Variants in KCNH7 observed in about 807,000 individuals in gnomAD.
KCNH7 encodes potassium voltage-gated channel subfamily H member 7, also known as voltage-gated inwardly rectifying potassium channel KCNH7.
Under a neutral mutation model 120.8 loss-of-function variants are expected in KCNH7, and 49 were observed. The observed-to-expected ratio is 0.41, with a 90% CI of 0.32 to 0.51. KCNH7 has a LOEUF of 0.51. Among genes scored for constraint, KCNH7 ranks in the 20% least tolerant of loss-of-function variants. KCNH7 has a pLI of 0.38. For synonymous variants in KCNH7, 547 were observed against 516.1 expected (o/e 1.06, Z -0.81); for missense variants, 1,097 against 1,446.6 (o/e 0.76, Z 3.92).
intron 6 of KCNH7, among the ~76,000 whole-genome samples, chr2:162,484,967 A>T (rs976939976): frequency 1.3e-5 from 2 of 152,190 alleles, no homozygotes; most frequent in Non-Finnish European, 2.9e-5. Context: ...AAATTTTTTT[A>T]AAATAATTTA....
rs188064198 is a variant in KCNH7, at chr2:162,803,815, C to T, written c.307+32722G>A. On this transcript the variant is annotated intron_variant, in intron 2 of 15. Transcript: ENST00000332142. ...AACTTCACTTCAGATGATCAGTGCC[C>T]CCTTTTCTTGTGTTTGCATTTTTTA... Among the ~76,000 whole-genome samples the T allele has an allele frequency of 1.2e-3, 186 of 151,660 alleles. 1 individual carries two copies. In the South Asian group the frequency reaches 0.037, roughly 30 times the overall value.
At chr2:162,408,391 C>A (rs140236358) in intron 9 of KCNH7, among the ~76,000 whole-genome samples, 1 of 151,900 alleles carries the variant, frequency 6.6e-6, no homozygotes, top group Non-Finnish European at 1.5e-5. Flanking sequence ...TTCAAAATAG[C>A]GGAAGTTATC....
intron 6 of KCNH7, among the ~76,000 whole-genome samples, chr2:162,468,977 A>G (rs1415365308): frequency 6.6e-6 from 1 of 151,958 alleles, no homozygotes; most frequent in East Asian, 1.9e-4. Context: ...CAGCTTCCCA[A>G]GTAGCTAGGA....
At chr2:162,819,106 T>C (rs1685013386) in intron 2 of KCNH7, among the ~76,000 whole-genome samples, 1 of 152,114 alleles carries the variant, frequency 6.6e-6, no homozygotes, top group African/African-American at 2.4e-5. Flanking sequence ...TAAAGAGACA[T>C]GCCAACAAAC....
At chr2:162,650,333 A>G (rs1684523309) in intron 2 of KCNH7, among the ~76,000 whole-genome samples, 1 of 152,166 alleles carries the variant, frequency 6.6e-6, no homozygotes, top group Admixed American at 6.5e-5. Context: ...TTTTTGTGTG[A>G]AGATATGTAT....
At chr2:162,663,076 G>A (rs1685021013) in intron 2 of KCNH7, among the ~76,000 whole-genome samples, 1 of 152,184 alleles carries the variant, frequency 6.6e-6, no homozygotes, top group Non-Finnish European at 1.5e-5. Flanking sequence ...TCAATGAGAA[G>A]TGTAAGCACA....
At chr2:162,524,434 T>C (rs1691633166) in intron 3 of KCNH7, among the ~76,000 whole-genome samples, 1 of 152,024 alleles carries the variant, frequency 6.6e-6, no homozygotes, top group East Asian at 1.9e-4. Context: ...GCAGCTGGGC[T>C]GTCTCAGCCC....
At chr2:162,768,336 G>GT (rs34062395) in intron 2 of KCNH7, among the ~76,000 whole-genome samples, 42,069 of 151,084 alleles carry the variant, frequency 0.28, 6,682 homozygotes, top group African/African-American at 0.45. Flanking sequence ...CTGAAGCTGG[G>GT]TTTTTTTTTA....
chr2:162,469,882 T>A (rs1483388138), intron 6 of KCNH7, among the ~76,000 whole-genome samples: 4 of 152,214 alleles, frequency 2.6e-5, no homozygotes, highest in Admixed American at 2.6e-4. Context: ...GGTTTTCATA[T>A]TTTTTTGGTG....
intron 2 of KCNH7, among the ~76,000 whole-genome samples, chr2:162,723,598 T>C (rs914300318): frequency 6.6e-6 from 1 of 152,214 alleles, no homozygotes; most frequent in Admixed American, 6.5e-5. Context: ...TTGTTAATTC[T>C]ATTCATTTTT....
At chr2:162,648,057 A>G (rs971690697) in intron 2 of KCNH7, among the ~76,000 whole-genome samples, 1 of 152,242 alleles carries the variant, frequency 6.6e-6, no homozygotes, top group African/African-American at 2.4e-5. Context: ...TACCTATTAT[A>G]AACTTGCAGT....
intron 2 of KCNH7, among the ~76,000 whole-genome samples, chr2:162,757,051 AG>A (rs1688810951): frequency 6.6e-6 from 1 of 152,148 alleles, no homozygotes; most frequent in East Asian, 1.9e-4. Flanking sequence ...ACCATTTGGG[AG>A]GTTACAAGGA....
intron 2 of KCNH7, among the ~76,000 whole-genome samples, chr2:162,655,152 A>G (rs1559066543): frequency 6.6e-6 from 1 of 152,180 alleles, no homozygotes; most frequent in African/African-American, 2.4e-5. Flanking sequence ...AAAAATAGGT[A>G]TGTGAAGTAA....
intron 2 of KCNH7, among the ~76,000 whole-genome samples, chr2:162,738,747 T>A (rs1390944686): frequency 6.6e-6 from 1 of 152,228 alleles, no homozygotes; most frequent in Non-Finnish European, 1.5e-5. Context: ...CTACTTCATC[T>A]GGGCTCCTTG....
chr2:162,836,666 T>C lies in KCNH7; in HGVS notation c.178A>G (p.Met60Val). The C allele has an allele frequency of 1.2e-6, 2 of 1,614,150 alleles. No individual in the cohort carries two copies. The highest frequency in any genetic ancestry group is 1.7e-6 in the Non-Finnish European group (2 of 1,180,010). Residue 60 changes from methionine to valine, a missense_variant, in exon 2 of 16, where the codon ATG becomes GTG. Transcript: ENST00000332142. ...AAGTCGCAGGTGCATGGCTTTTGCA[T>C]GACATCTGGCCTGGAGAAACCAGTC... ...EMTGFSRPDV[M>V]QKPCTCDFLH...
intron 6 of KCNH7, chr2:162,502,115 A>G (rs1690706922): frequency 6.6e-6 from 1 of 152,060 alleles, no homozygotes; most frequent in Admixed American, 6.6e-5. Context: ...CTAAAAAGTC[A>G]TATGGACTTT....
intron 9 of KCNH7, among the ~76,000 whole-genome samples, chr2:162,420,236 C>A (rs1232802969): frequency 6.6e-6 from 1 of 152,054 alleles, no homozygotes; most frequent in Middle Eastern, 3.4e-3. Context: ...ATTAGCCAGG[C>A]GTGGTGGCAT....
intron 2 of KCNH7, among the ~76,000 whole-genome samples, chr2:162,765,509 A>G (rs1682761808): frequency 6.6e-6 from 1 of 152,264 alleles, no homozygotes; most frequent in Admixed American, 6.5e-5. Flanking sequence ...GGTTTTCTTC[A>G]TAGGGACTAG....
chr2:162,434,447 A>G (rs945767694), intron 8 of KCNH7, among the ~76,000 whole-genome samples: 7 of 152,122 alleles, frequency 4.6e-5, no homozygotes, highest in African/African-American at 1.2e-4. Context: ...TCATGCTTTT[A>G]TGCTTTTGCT....
Sources: allele counts gnomAD v4.1 joint callset (sites outside exome capture counted in the v4.1 genomes callset), GRCh38; gene constraint gnomAD v4.1.1; transcripts MANE v1.5; gene names NCBI Gene and HGNC (gene_info 2026-07-23, HGNC 2026-07-21).